Variants in KIF6 observed in about 807,000 individuals in gnomAD.
KIF6 encodes kinesin family member 6.
In KIF6, 106 loss-of-function variants were observed where a neutral mutation model predicts 112.7. That is an observed-to-expected ratio of 0.94 (90% confidence interval 0.80 to 1.11). The LOEUF (loss-of-function observed/expected upper bound fraction) is 1.11. Among genes scored for constraint, KIF6 ranks in the 50% least tolerant of loss-of-function variants. The pLI, the probability that KIF6 is intolerant of heterozygous loss-of-function variation, is 0.00. For missense variants in KIF6, 929 were observed against 964.0 expected, an observed-to-expected ratio of 0.96 and a Z score of 0.48; for synonymous variants, 339 against 339.9, an observed-to-expected ratio of 1.00 and a Z score of 0.03.
intron 14 of KIF6, among the ~76,000 whole-genome samples, chr6:39,422,945 G>T (rs917742956): frequency 6.6e-6 from 1 of 152,238 alleles, no homozygotes; most frequent in African/African-American, 2.4e-5. Context: ...CTAAGGTGCT[G>T]CTCACTGCTA....
intron 3 of KIF6, among the ~76,000 whole-genome samples, chr6:39,647,899 C>T (rs367779368): frequency 3.8e-4 from 57 of 151,844 alleles, no homozygotes; most frequent in African/African-American, 1.2e-3. Context: ...TTTGTAGAGA[C>T]GGGGTTTCAC....
intron 15 of KIF6, among the ~76,000 whole-genome samples, chr6:39,415,834 G>A (rs1769879287): frequency 6.6e-6 from 1 of 152,080 alleles, no homozygotes; most frequent in Admixed American, 6.5e-5. Flanking sequence ...TTTTAAAAGG[G>A]CATTGGTCAA....
chr6:39,670,605 G>A (rs552424820), intron 3 of KIF6, among the ~76,000 whole-genome samples: 1 of 152,220 alleles, frequency 6.6e-6, no homozygotes, highest in Admixed American at 6.5e-5. Context: ...TGCAGACTCG[G>A]GGTGGGTGAC....
chr6:39,474,408 T>C (rs892232550), intron 13 of KIF6, among the ~76,000 whole-genome samples: 5 of 152,248 alleles, frequency 3.3e-5, no homozygotes, highest in South Asian at 2.1e-4. Context: ...ATATTTATTC[T>C]CAAATCAAAT....
intron 15 of KIF6, among the ~76,000 whole-genome samples, chr6:39,412,360 T>C (rs1158166233): frequency 6.6e-6 from 1 of 152,228 alleles, no homozygotes; most frequent in Non-Finnish European, 1.5e-5. Flanking sequence ...TTTGCTCTTT[T>C]CGTCTCTAGA....
At chr6:39,603,921 T>C (rs974566559) in intron 6 of KIF6, among the ~76,000 whole-genome samples, 6 of 152,144 alleles carry the variant, frequency 3.9e-5, no homozygotes, top group African/African-American at 1.4e-4. Context: ...TGGAGTAAAA[T>C]ATCTCGACAG....
intron 13 of KIF6, among the ~76,000 whole-genome samples, chr6:39,484,297 A>C (rs1022327826): frequency 1.3e-5 from 2 of 152,242 alleles, no homozygotes; most frequent in African/African-American, 4.8e-5. Context: ...CTGGTGTGAG[A>C]CACAAAGTAG....
chr6:39,417,366 A>G (rs1378428359), intron 15 of KIF6, among the ~76,000 whole-genome samples: 2 of 152,236 alleles, frequency 1.3e-5, no homozygotes, highest in Non-Finnish European at 2.9e-5. Flanking sequence ...CATAAAGTGA[A>G]GTGAAGACTG....
chr6:39,381,760 T>A (rs1437405200), intron 16 of KIF6, among the ~76,000 whole-genome samples: 1 of 152,166 alleles, frequency 6.6e-6, no homozygotes, highest in Non-Finnish European at 1.5e-5. Context: ...TGTTGACACT[T>A]CTTCTCTAAT....
intron 3 of KIF6, among the ~76,000 whole-genome samples, chr6:39,701,766 C>T (rs1788891145): frequency 6.6e-6 from 1 of 152,204 alleles, no homozygotes; most frequent in Non-Finnish European, 1.5e-5. Context: ...ATATCCTTCA[C>T]CTGCAGTCAC....
At chr6:39,608,281 A>G (rs1474758347) in intron 6 of KIF6, among the ~76,000 whole-genome samples, 3 of 152,198 alleles carry the variant, frequency 2.0e-5, no homozygotes, top group South Asian at 4.1e-4. Context: ...GGAAAATACC[A>G]TAAGTTGAAA....
At chr6:39,539,534 A>G (rs951919794) in intron 13 of KIF6, among the ~76,000 whole-genome samples, 2 of 152,068 alleles carry the variant, frequency 1.3e-5, no homozygotes, top group African/African-American at 4.8e-5. Context: ...TAGTAGAGAT[A>G]GGGTTTCACC....
chr6:39,709,307 T>C (rs1431372652), intron 3 of KIF6, among the ~76,000 whole-genome samples: 8 of 152,350 alleles, frequency 5.3e-5, no homozygotes, highest in Middle Eastern at 3.4e-3. Context: ...GTCGGAGGGA[T>C]GGTTTTGGGA....
At chr6:39,609,404 G>C (rs981899652) in intron 6 of KIF6, among the ~76,000 whole-genome samples, 1 of 152,018 alleles carries the variant, frequency 6.6e-6, no homozygotes, top group Non-Finnish European at 1.5e-5. Flanking sequence ...AATCCATCCA[G>C]GTCAATAACT....
In KIF6 at chr6:39,343,586, G is replaced by T. The variant is rs1056598644; in HGVS notation, c.2428+123C>A. 14 of 1,157,558 alleles carry T rather than the reference G, an allele frequency of 1.2e-5. No individual in the cohort carries two copies. Among genetic ancestry groups the T allele is most frequent in the Admixed American group, 1.1e-4 (5 of 43,668 alleles). 71.7% of individuals were successfully genotyped at this position (1,157,558 alleles called of 1,614,324 possible). ...CTGGGCACATGTGACTGACAGGCAG[G>T]CCAGTCCTGTGGCTTCAGGAATATG... On this transcript the variant is annotated intron_variant, in intron 22 of 22. Transcript: ENST00000287152. This position sits in a 1 kb window ranked among gnomAD's most constrained non-coding sequence, Gnocchi z 4.1.
intron 3 of KIF6, chr6:39,689,954 T>C (rs1450907967): frequency 1.3e-5 from 2 of 152,226 alleles, no homozygotes; most frequent in African/African-American, 4.8e-5. Flanking sequence ...TATATTTGGT[T>C]ATGAAGCCAA....
intron 3 of KIF6, among the ~76,000 whole-genome samples, chr6:39,694,086 T>C (rs749963672): frequency 1.3e-5 from 2 of 150,548 alleles, no homozygotes; most frequent in Non-Finnish European, 3.0e-5. Flanking sequence ...TCAATAGATA[T>C]GGAAAAAGCA....
intron 2 of KIF6, among the ~76,000 whole-genome samples, chr6:39,715,860 A>G (rs1342607246): frequency 6.6e-6 from 1 of 152,218 alleles, no homozygotes; most frequent in Non-Finnish European, 1.5e-5. Flanking sequence ...TCAAAACTCT[A>G]TAGATGTATC....
chr6:39,560,378 T>A lies in KIF6; in HGVS notation c.1182-14690A>T, dbSNP rs1779948049. Among the ~76,000 whole-genome samples the A allele has an allele frequency of 2.0e-5, 3 of 152,242 alleles. No individual in the cohort carries two copies. The South Asian group carries it at 6.2e-4, about 31-fold the overall frequency. On this transcript the variant is annotated intron_variant, in intron 10 of 22. Transcript: ENST00000287152. ...AGAACCCTTAGGGGGCCAGAATTTG[T>A]GAAGACTGATTTTCTCAGGCAAGAA...
Sources: gnomAD v4.1 joint callset for allele counts (sites outside exome capture counted in the v4.1 genomes callset) on GRCh38, gnomAD v4.1.1 for gene constraint, Gnocchi (gnomAD v3.1) non-coding constraint, MANE v1.5 for transcripts, NCBI Gene and HGNC (gene_info 2026-07-23, HGNC 2026-07-21) for gene names.